The following SPICE1 variants were observed in gnomAD, a reference collection of about 807,000 sequenced individuals.
SPICE1 encodes spindle and centriole associated protein 1.
In SPICE1, 75 loss-of-function variants were observed where a neutral mutation model predicts 102.7. The observed-to-expected ratio is 0.73, with a 90% CI of 0.61 to 0.88. The LOEUF (loss-of-function observed/expected upper bound fraction) is 0.88. Among genes scored for constraint, SPICE1 ranks in the 40% least tolerant of loss-of-function variants. The pLI is 0.00. For synonymous variants in SPICE1, 308 were observed against 350.3 expected, an observed-to-expected ratio of 0.88 and a Z score of 1.35; for missense variants, 979 against 1,020.1, an observed-to-expected ratio of 0.96 and a Z score of 0.55.
intron 7 of SPICE1, among the ~76,000 whole-genome samples, 177 bp from the exon 8 acceptor site, chr3:113,469,415 TATA>T (rs1253784734): frequency 6.9e-6 from 1 of 145,768 alleles, no homozygotes; most frequent in Non-Finnish European, 1.5e-5. Context: ...TAAATTTAAT[TATA>T]ATTTATAATT....
intron 7 of SPICE1, among the ~76,000 whole-genome samples, chr3:113,479,951 ATG>A (rs1297765694): frequency 6.6e-6 from 1 of 152,198 alleles, no homozygotes; most frequent in East Asian, 1.9e-4. Context: ...TAAATTAAAA[ATG>A]TTAGTTCTTC....
chr3:113,472,545 C>A (rs141041842), intron 7 of SPICE1, among the ~76,000 whole-genome samples: 2,136 of 152,302 alleles, frequency 0.014, 40 homozygotes, highest in African/African-American at 0.04. Context: ...CCAGTAGGGG[C>A]AGACTGACAC....
rs560086123 is a variant in SPICE1 at position 113,485,513 on chromosome 3, G to A, written c.611+3432C>T. 5.9e-5 allele frequency among the ~76,000 whole-genome samples: 9 copies of A among 152,184 alleles called. No individual in the cohort carries two copies. The South Asian group carries it at 1.5e-3, about 25-fold the overall frequency. On this transcript the variant is annotated intron_variant, in intron 7 of 17. Transcript: ENST00000295872. ...TACCGAAGCTCAGCAAAGCTGCTGC[G>A]GCCAGACTGCCAGATTTCTCCTCAA...
intron 1 of SPICE1, among the ~76,000 whole-genome samples, 165 bp from the exon 2 acceptor site, chr3:113,506,770 T>G (rs1291902126): frequency 6.6e-6 from 1 of 152,216 alleles, no homozygotes; most frequent in Non-Finnish European, 1.5e-5. Flanking sequence ...TTCTTTTATT[T>G]TACAACTAAT....
At chr3:113,510,093 A>G (rs1164056629) in intron 1 of SPICE1, among the ~76,000 whole-genome samples, 1 of 152,206 alleles carries the variant, frequency 6.6e-6, no homozygotes, top group Non-Finnish European at 1.5e-5. Context: ...AATTGTATTT[A>G]AATGTTGAGG....
intron 11 of SPICE1, among the ~76,000 whole-genome samples, chr3:113,462,902 T>C (rs539157422): frequency 3.4e-4 from 52 of 152,166 alleles, no homozygotes; most frequent in Non-Finnish European, 6.5e-4. Context: ...TTAACCATCA[T>C]GCAAGGCGCT....
chr3:113,471,216 G>A (rs1936188670), intron 7 of SPICE1, among the ~76,000 whole-genome samples: 1 of 152,174 alleles, frequency 6.6e-6, no homozygotes, highest in African/African-American at 2.4e-5. Context: ...CAAAAAAGGG[G>A]TAGGGGAAGC....
At chr3:113,485,391 TG>T (rs1456261585) in intron 7 of SPICE1, among the ~76,000 whole-genome samples, 2 of 151,848 alleles carry the variant, frequency 1.3e-5, no homozygotes, top group Non-Finnish European at 1.5e-5. Flanking sequence ...TCGAGCTTGG[TG>T]GGGGAAGGGG....
chr3:113,483,639 T>C (rs1936573565), intron 7 of SPICE1, among the ~76,000 whole-genome samples: 1 of 152,222 alleles, frequency 6.6e-6, no homozygotes, highest in South Asian at 2.1e-4. Context: ...GTTAATCATG[T>C]GATTTTTGTC....
intron 2 of SPICE1, among the ~76,000 whole-genome samples, chr3:113,505,314 A>AT (rs11344009): frequency 4.8e-4 from 72 of 150,514 alleles, no homozygotes; most frequent in South Asian, 2.1e-4. Context: ...GTTATCACAT[A>AT]TTTTTTTTTT....
rs1351778047 is a variant in SPICE1 at position 113,474,649 on chromosome 3, C to G, written c.612-5411G>C. On this transcript the variant is annotated intron_variant, in intron 7 of 17. Transcript: ENST00000295872. Reference sequence around the variant, plus strand: ...ATTAAGAAACTCACTCAAAACCGCTCAACTACGTGGAAACTGAACAACCTG... The same window carrying G: ...ATTAAGAAACTCACTCAAAACCGCTGAACTACGTGGAAACTGAACAACCTG... 2.0e-5 allele frequency among the ~76,000 whole-genome samples: 3 copies of G among 152,314 alleles called. No individual in the cohort carries two copies. In the South Asian group the frequency reaches 6.2e-4, roughly 32 times the overall value.
chr3:113,476,446 T>C (rs1247233608), intron 7 of SPICE1, among the ~76,000 whole-genome samples: 1 of 149,570 alleles, frequency 6.7e-6, no homozygotes, highest in South Asian at 2.1e-4. Flanking sequence ...TTAAAGTTCA[T>C]ATGGAACCGA....
At chr3:113,459,513 TAATTA>T in intron 12 of SPICE1, 6 of 984,432 alleles carry the variant, frequency 6.1e-6, no homozygotes, top group Non-Finnish European at 7.2e-6. Flanking sequence ...ACCTATAGGA[TAATTA>T]AAAGCTTTCT....
At chr3:113,471,871 T>C (rs1936207813) in intron 7 of SPICE1, among the ~76,000 whole-genome samples, 1 of 152,062 alleles carries the variant, frequency 6.6e-6, no homozygotes, top group Non-Finnish European at 1.5e-5. Flanking sequence ...ACACAGAAGA[T>C]GGGTGATTTC....
intron 13 of SPICE1, among the ~76,000 whole-genome samples, chr3:113,454,966 C>T (rs1204599982): frequency 6.6e-6 from 1 of 152,172 alleles, no homozygotes; most frequent in Admixed American, 6.5e-5. Context: ...GCCTATCCAA[C>T]CTTAGACTGA....
chr3:113,506,792 C>T (rs999540314), intron 1 of SPICE1, among the ~76,000 whole-genome samples, 187 bp from the exon 2 acceptor site: 2 of 151,986 alleles, frequency 1.3e-5, no homozygotes, highest in African/African-American at 2.4e-5. Flanking sequence ...AATGTTGGTA[C>T]TGATAATTAT....
intron 3 of SPICE1, among the ~76,000 whole-genome samples, chr3:113,501,205 T>C (rs1426071329): frequency 2.6e-5 from 4 of 152,098 alleles, no homozygotes; most frequent in Non-Finnish European, 4.4e-5. Context: ...ATGATTATCC[T>C]TTAGCAAAAA....
chr3:113,492,497 C>T (rs1936787103), intron 6 of SPICE1, among the ~76,000 whole-genome samples: 1 of 152,150 alleles, frequency 6.6e-6, no homozygotes, highest in African/African-American at 2.4e-5. Flanking sequence ...GGTTAGAATA[C>T]AGCCAATTAA....
At chr3:113,472,328 C>A (rs966803715) in intron 7 of SPICE1, among the ~76,000 whole-genome samples, 1 of 152,248 alleles carries the variant, frequency 6.6e-6, no homozygotes, top group Non-Finnish European at 1.5e-5. Context: ...GGCCTGCCTG[C>A]CTCTGTAGGC....
Sources: gnomAD v4.1 joint callset for allele counts (sites outside exome capture counted in the v4.1 genomes callset) on GRCh38, gnomAD v4.1.1 for gene constraint, MANE v1.5 for transcripts, NCBI Gene and HGNC (gene_info 2026-07-23, HGNC 2026-07-21) for gene names.